The following SLC25A21 variants were observed in gnomAD, a reference collection of about 807,000 sequenced individuals.
The protein encoded by SLC25A21 is mitochondrial 2-oxodicarboxylate carrier.
In SLC25A21, 47 loss-of-function variants were observed where a neutral mutation model predicts 43.8. The ratio of observed to expected loss-of-function variants is 1.07; its 90% CI spans 0.85 to 1.37. The LOEUF (loss-of-function observed/expected upper bound fraction) is 1.37, where lower values mean the gene tolerates loss of function less well. Among genes scored for constraint, SLC25A21 ranks in the 40% most tolerant of loss-of-function variants. The pLI, the probability that SLC25A21 is intolerant of heterozygous loss-of-function variation, is 0.00. For synonymous variants in SLC25A21, 131 were observed against 121.3 expected, an observed-to-expected ratio of 1.08 and a Z score of -0.52; for missense variants, 352 against 350.2, an observed-to-expected ratio of 1.00 and a Z score of -0.04.
At chr14:36,763,547 T>C (rs577918010) in intron 3 of SLC25A21, among the ~76,000 whole-genome samples, 112 of 152,274 alleles carry the variant, frequency 7.4e-4, no homozygotes, top group Non-Finnish European at 1.4e-3. Flanking sequence ...CTGTTTGTGC[T>C]GGGTAAGAAA....
At chr14:37,014,667 T>G (rs1372857403) in intron 1 of SLC25A21, among the ~76,000 whole-genome samples, 1 of 152,196 alleles carries the variant, frequency 6.6e-6, no homozygotes, top group African/African-American at 2.4e-5. Flanking sequence ...AAATTCTTTC[T>G]AGGTTTTCAA....
intron 2 of SLC25A21, among the ~76,000 whole-genome samples, chr14:36,860,500 GGT>G (rs1340562420): frequency 6.6e-6 from 1 of 152,036 alleles, no homozygotes; most frequent in Non-Finnish European, 1.5e-5. Flanking sequence ...GTCTTTAGTG[GGT>G]GTGTCTTCCC....
At chr14:36,846,111 C>A (rs976673317) in intron 2 of SLC25A21, among the ~76,000 whole-genome samples, 5 of 152,138 alleles carry the variant, frequency 3.3e-5, no homozygotes, top group East Asian at 1.9e-4. Flanking sequence ...TACATTTAAA[C>A]CCCCAAACCA....
At chr14:36,777,697 T>C (rs1373164024) in intron 3 of SLC25A21, among the ~76,000 whole-genome samples, 1 of 152,118 alleles carries the variant, frequency 6.6e-6, no homozygotes, top group African/African-American at 2.4e-5. Flanking sequence ...TTTCAAAAAG[T>C]CCAGAAGGAA....
chr14:36,728,435 CA>C (rs1338965899), intron 5 of SLC25A21, among the ~76,000 whole-genome samples: 7 of 152,048 alleles, frequency 4.6e-5, no homozygotes, highest in African/African-American at 1.7e-4. Flanking sequence ...AAGCTGTTTC[CA>C]AACTTAAGAA....
intron 1 of SLC25A21, among the ~76,000 whole-genome samples, chr14:37,082,028 A>G (rs1048446413): frequency 7.9e-5 from 12 of 152,226 alleles, no homozygotes; most frequent in African/African-American, 2.9e-4. Context: ...TGGTACACAC[A>G]CACCATGGAG....
At chr14:36,782,816 G>A (rs1054458900) in intron 3 of SLC25A21, among the ~76,000 whole-genome samples, 1 of 141,964 alleles carries the variant, frequency 7.0e-6, no homozygotes, top group African/African-American at 2.6e-5. Context: ...GTTGGGGGAG[G>A]GGGGAGGGAT....
intron 1 of SLC25A21, among the ~76,000 whole-genome samples, chr14:37,058,412 T>C (rs1218502973): frequency 6.6e-6 from 1 of 152,224 alleles, no homozygotes; most frequent in Non-Finnish European, 1.5e-5. Context: ...TTGTTTTATA[T>C]CACTTCCAAC....
At chr14:36,788,547 G>A (rs1360729060) in intron 3 of SLC25A21, 1 of 147,310 alleles carries the variant, frequency 6.8e-6, no homozygotes, top group Non-Finnish European at 1.5e-5. Flanking sequence ...TTTAATTGTG[G>A]AAAACCACAG....
intron 1 of SLC25A21, among the ~76,000 whole-genome samples, chr14:37,076,549 A>G (rs1338971409): frequency 6.6e-6 from 1 of 151,752 alleles, no homozygotes; most frequent in Non-Finnish European, 1.5e-5. Context: ...AGTGCAGTGC[A>G]GCGATCTCGG....
intron 1 of SLC25A21, among the ~76,000 whole-genome samples, chr14:37,159,506 A>C (rs1369947357): frequency 6.6e-6 from 1 of 152,078 alleles, no homozygotes; most frequent in Admixed American, 6.6e-5. Flanking sequence ...AAATGGTACT[A>C]GGAAAATTGG....
intron 3 of SLC25A21, among the ~76,000 whole-genome samples, chr14:36,754,048 T>G (rs922383874): frequency 3.3e-5 from 5 of 152,140 alleles, no homozygotes; most frequent in Admixed American, 2.6e-4. Flanking sequence ...TTTTACCTGA[T>G]TCTATTCACC....
chr14:36,781,246 T>C (rs1293068742), intron 3 of SLC25A21, among the ~76,000 whole-genome samples: 1 of 152,128 alleles, frequency 6.6e-6, no homozygotes, highest in African/African-American at 2.4e-5. Flanking sequence ...AGGTAGCACA[T>C]GGTTGGGTCT....
intron 1 of SLC25A21, among the ~76,000 whole-genome samples, chr14:36,958,537 AAAAG>A (rs1959399463): frequency 6.6e-6 from 1 of 152,198 alleles, no homozygotes; most frequent in Non-Finnish European, 1.5e-5. Flanking sequence ...CAGAGATATT[AAAAG>A]TTATTAACTC....
intron 2 of SLC25A21, among the ~76,000 whole-genome samples, chr14:36,858,659 C>G (rs1231562852): frequency 1.3e-5 from 2 of 152,120 alleles, no homozygotes; most frequent in Admixed American, 1.3e-4. Context: ...TCCCTCTTTT[C>G]TCCCATTCCC....
At chr14:37,095,843 C>A (rs200872010) in intron 1 of SLC25A21, among the ~76,000 whole-genome samples, 1,832 of 24,480 alleles carry the variant, frequency 0.075, 32 homozygotes, top group African/African-American at 0.12. Context: ...CACACACACA[C>A]AAAAAACACC....
At chr14:36,680,910 T>TTGAG (rs769478879) in intron 9 of SLC25A21, among the ~76,000 whole-genome samples, 191 bp from the exon 10 acceptor site, 8 of 152,212 alleles carry the variant, frequency 5.3e-5, no homozygotes, top group Non-Finnish European at 1.0e-4. Context: ...CAAGACCATC[T>TTGAG]TGAGTCTCCA....
chr14:37,144,785 T>G (rs1382371952), intron 1 of SLC25A21, among the ~76,000 whole-genome samples: 5 of 3,020 alleles, frequency 1.7e-3, no homozygotes, highest in African/African-American at 1.9e-3. Flanking sequence ...TTGTTTTGGG[T>G]TTTTTTTTTT....
At chr14:37,131,485 C>T (rs1963390953) in intron 1 of SLC25A21, among the ~76,000 whole-genome samples, 1 of 152,210 alleles carries the variant, frequency 6.6e-6, no homozygotes, top group African/African-American at 2.4e-5. Context: ...AGATACACAG[C>T]ACTGTCTGCA....
Sources: gnomAD v4.1 joint callset for allele counts (sites outside exome capture counted in the v4.1 genomes callset) on GRCh38, gnomAD v4.1.1 for gene constraint, MANE v1.5 for transcripts, NCBI Gene and HGNC (gene_info 2026-07-23, HGNC 2026-07-21) for gene names.